Variants in ERICH3 observed in about 807,000 individuals in gnomAD.
ERICH3 encodes glutamate-rich protein 3.
A neutral mutation model predicts 131.1 loss-of-function variants in ERICH3; 126 were observed. That is an observed-to-expected ratio of 0.96 (90% CI 0.83 to 1.11). ERICH3 has a LOEUF of 1.11. Among genes scored for constraint, ERICH3 ranks in the 50% most tolerant of loss-of-function variants. The pLI is 0.00. For missense variants in ERICH3, 2,050 were observed against 1,810.7 expected, an observed-to-expected ratio of 1.13 and a Z score of -2.40; for synonymous variants, 695 against 644.6, an observed-to-expected ratio of 1.08 and a Z score of -1.18.
At chr1:74,570,628 G>A (rs948209143) in intron 14 of ERICH3, among the ~76,000 whole-genome samples, 189 bp from the exon 15 acceptor site, 5 of 152,190 alleles carry the variant, frequency 3.3e-5, no homozygotes, top group African/African-American at 4.8e-5. Flanking sequence ...TTTTATATAT[G>A]TAAAAACTTT....
intron 5 of ERICH3, among the ~76,000 whole-genome samples, chr1:74,638,345 C>T (rs939157960): frequency 6.6e-6 from 1 of 152,148 alleles, no homozygotes; most frequent in Non-Finnish European, 1.5e-5. Context: ...ATGAACCACA[C>T]AAATACTGCC....
intron 2 of ERICH3, among the ~76,000 whole-genome samples, chr1:74,648,482 G>A (rs1246791303): frequency 6.6e-6 from 1 of 152,090 alleles, no homozygotes; most frequent in Non-Finnish European, 1.5e-5. Flanking sequence ...CGAATCCTCA[G>A]GAGGAGAAAA....
chr1:74,603,371 T>C (rs1173846683), intron 10 of ERICH3, among the ~76,000 whole-genome samples: 1 of 151,902 alleles, frequency 6.6e-6, no homozygotes, highest in Non-Finnish European at 1.5e-5. Flanking sequence ...TAAGCCTCAA[T>C]TTCCCAGCCT....
chr1:74,631,701 TTCCATAA>T lies in ERICH3; in HGVS notation c.819+5_819+11del. On this transcript the variant is annotated splice_donor_5th_base_variant and intron_variant, in intron 7 of 14. Transcript: ENST00000326665. ...GATAAATTAATAAAAGAAAAATTTG[TTCCATAA>T]TCACCTTTGTCAAAAGAGGTTCTAA... is the stretch of plus-strand genomic sequence containing the variant. 6.3e-7 allele frequency: 1 copy of T among 1,594,042 alleles called. No homozygotes were observed. Among genetic ancestry groups the T allele is most frequent in the Non-Finnish European group, 8.6e-7 (1 of 1,162,536 alleles).
In ERICH3 at chr1:74,612,668, C is replaced by G; in HGVS notation, c.1142G>C (p.Gly381Ala). Residue 381 changes from glycine to alanine, a missense_variant, in exon 9 of 15, where the codon GGC becomes GCC. Gly to Ala is a moderately conservative substitution (Grantham distance 60). Transcript: ENST00000326665. ...CTCAACACACACAAACCCAAAGTAGCCTCGTTTGCCTCCAAGCCTGGAACC... is the reference window on the plus strand; with the variant it reads ...CTCAACACACACAAACCCAAAGTAGGCTCGTTTGCCTCCAAGCCTGGAACC... ...RKGSRLGGKR[G>A]YFGFVCVERS... The G allele has an allele frequency of 1.3e-6, 2 of 1,591,442 alleles. No individual in the cohort carries two copies. The highest frequency in any genetic ancestry group is 1.1e-5 in the South Asian group (1 of 88,772).
At chr1:74,667,871 G>A (rs1646706606) in intron 1 of ERICH3, among the ~76,000 whole-genome samples, 1 of 152,076 alleles carries the variant, frequency 6.6e-6, no homozygotes, top group Non-Finnish European at 1.5e-5. Flanking sequence ...TGTTGAGGGA[G>A]GGACCTGGTA....
intron 13 of ERICH3, among the ~76,000 whole-genome samples, chr1:74,575,003 C>A (rs1647025017): frequency 6.7e-6 from 1 of 150,214 alleles, no homozygotes; most frequent in African/African-American, 2.5e-5. Flanking sequence ...AAAAAAAAAA[C>A]TTATAAAGTA....
At chr1:74,610,675 C>A (rs1169252384) in intron 9 of ERICH3, among the ~76,000 whole-genome samples, 1 of 151,890 alleles carries the variant, frequency 6.6e-6, no homozygotes, top group Non-Finnish European at 1.5e-5. Context: ...ACCTAATTAC[C>A]ATTCTTTATA....
Position 74,631,879 on chromosome 1 carries a change from C to G in ERICH3, c.653G>C (p.Arg218Thr). The G allele has an allele frequency of 1.9e-6, 3 of 1,613,434 alleles. No individual in the cohort carries two copies. The highest frequency in any genetic ancestry group is 2.5e-6 in the Non-Finnish European group (3 of 1,179,576). ...GTTTGGAAGTTGATATGAATTCATT[C>G]TCTGTGAATTGCCTATGGAGTTCCT... ...KFRNSIGNSQRMNSYQLPNIN... is the reference protein window; with the variant it reads ...KFRNSIGNSQTMNSYQLPNIN... The change falls in exon 7 of 15, where the codon AGA (arginine) becomes ACA (threonine). Residue 218 changes from arginine to threonine, a missense_variant. Coordinates refer to ENST00000326665, the MANE Select transcript of ERICH3 (RefSeq NM_001002912.5).
chr1:74,612,800 T>G lies in ERICH3; in HGVS notation c.1010A>C (p.Gln337Pro), dbSNP rs139050797. ...ACCATGATGCCTTTTGGAAATAAAC[T>G]GAAAGGTCTCTGGAATTAAAATAGA... Reference protein sequence around the residue: ...KGKLLEKETFQFISKRHHGFP... With the variant: ...KGKLLEKETFPFISKRHHGFP... The change falls in exon 9 of 15, where the codon CAG becomes CCG. Residue 337 changes from glutamine to proline, a missense_variant. Coordinates refer to ENST00000326665, the MANE Select transcript of ERICH3 (RefSeq NM_001002912.5). 37 of 1,576,140 alleles carry G rather than the reference T, an allele frequency of 2.3e-5. No individual in the cohort carries two copies. Among genetic ancestry groups the G allele is most frequent in the Non-Finnish European group, 3.1e-5 (36 of 1,151,668 alleles).
intron 6 of ERICH3, chr1:74,634,832 C>T (rs1251359221): frequency 3.4e-6 from 2 of 590,476 alleles, no homozygotes; most frequent in Non-Finnish European, 6.1e-6. Flanking sequence ...TAGCCCATTC[C>T]CAAGATGAGA....
At chr1:74,604,756 A>G (rs1262046797) in intron 10 of ERICH3, among the ~76,000 whole-genome samples, 3 of 151,940 alleles carry the variant, frequency 2.0e-5, no homozygotes, top group Non-Finnish European at 1.5e-5. Flanking sequence ...CATGCTGTAA[A>G]TAGATGTGCT....
intron 6 of ERICH3, among the ~76,000 whole-genome samples, chr1:74,632,733 T>G (rs1005883747): frequency 1.3e-5 from 2 of 151,976 alleles, no homozygotes; most frequent in Non-Finnish European, 2.9e-5. Context: ...AAAAGGTTCA[T>G]ATGGTATGAC....
intron 3 of ERICH3, 84 bp from the exon 4 acceptor site, chr1:74,643,182 A>T: frequency 1.1e-6 from 1 of 913,178 alleles, no homozygotes; most frequent in Non-Finnish European, 1.7e-6. Flanking sequence ...CCAACAGATA[A>T]CTATATTCTC....
At chr1:74,598,293 C>A (rs183737754) in intron 11 of ERICH3, among the ~76,000 whole-genome samples, 239 of 151,712 alleles carry the variant, frequency 1.6e-3, no homozygotes, top group African/African-American at 5.3e-3. Flanking sequence ...ATCTTTACCC[C>A]AAGTTGTTTA....
rs1646659804 is a variant in ERICH3 at position 74,663,319 on chromosome 1, TACAAA to T, written c.23+10173_23+10177del. On this transcript the variant is annotated intron_variant, in intron 1 of 14. Coordinates refer to ENST00000326665, the MANE Select transcript of ERICH3 (RefSeq NM_001002912.5). ...GGGAAAAAACAAGAATCAGAGAAAT[TACAAA>T]ATTTGCTTAGGGTCACACAACAACT... 5.3e-5 allele frequency among the ~76,000 whole-genome samples: 8 copies of T among 152,100 alleles called. No individual in the cohort carries two copies. In the South Asian group the frequency reaches 1.7e-3, roughly 31 times the overall value.
chr1:74,595,658 T>A (rs762936395), intron 11 of ERICH3, among the ~76,000 whole-genome samples: 2 of 152,124 alleles, frequency 1.3e-5, no homozygotes, highest in African/African-American at 4.8e-5. Context: ...TCACAAGAGT[T>A]CACTGAGTGT....
intron 11 of ERICH3, chr1:74,592,187 C>T (rs1647639385): frequency 6.6e-6 from 1 of 152,204 alleles, no homozygotes; most frequent in Non-Finnish European, 1.5e-5. Flanking sequence ...GCTTTTATCT[C>T]CTGATACCTT....
intron 10 of ERICH3, among the ~76,000 whole-genome samples, chr1:74,603,055 AC>A (rs34155706): frequency 0.089 from 13,584 of 151,906 alleles, 700 homozygotes; most frequent in East Asian, 0.21. Context: ...TTTCTGAAAC[AC>A]TTGGGCAGCA....
Sources: allele counts gnomAD v4.1 joint callset (sites outside exome capture counted in the v4.1 genomes callset), GRCh38; gene constraint gnomAD v4.1.1; transcripts MANE v1.5; gene names NCBI Gene and HGNC (gene_info 2026-07-23, HGNC 2026-07-21).